AUH: variants seen among roughly 807,000 people sequenced by gnomAD.
The protein encoded by AUH is methylglutaconyl-CoA hydratase, mitochondrial.
A neutral mutation model predicts 42.3 loss-of-function variants in AUH; 29 were observed. The observed-to-expected ratio is 0.69, with a 90% CI of 0.51 to 0.93. AUH has a LOEUF of 0.93. Among genes scored for constraint, AUH ranks in the 40% least tolerant of loss-of-function variants. The pLI is 0.00. For missense variants in AUH, 452 were observed against 438.1 expected (o/e 1.03, Z -0.28); for synonymous variants, 174 against 166.4 (o/e 1.05, Z -0.35).
intron 7 of AUH, among the ~76,000 whole-genome samples, chr9:91,218,382 A>C (rs762010598): frequency 6.6e-6 from 1 of 152,208 alleles, no homozygotes; most frequent in African/African-American, 2.4e-5. Flanking sequence ...TAATCAATCC[A>C]TTTTATTAAA....
chr9:91,361,604 G>T, intron 1 of AUH, 24 bp downstream of exon 1: 1 of 1,567,990 alleles, frequency 6.4e-7, no homozygotes, highest in Non-Finnish European at 8.6e-7. Context: ...GCTGCCCCGC[G>T]CCTGCCCAGC....
intron 7 of AUH, among the ~76,000 whole-genome samples, chr9:91,219,154 C>T (rs1380816139): frequency 6.6e-6 from 1 of 151,990 alleles, no homozygotes; most frequent in Non-Finnish European, 1.5e-5. Flanking sequence ...GGTGTGTGGA[C>T]GGTGGTGGCA....
At chr9:91,356,022 AT>A in intron 2 of AUH, 52 bp from the exon 3 acceptor site, 1 of 1,598,090 alleles carries the variant, frequency 6.3e-7, no homozygotes, top group Non-Finnish European at 8.6e-7. Flanking sequence ...AAAACAAAAC[AT>A]TTTTACATTG....
At chr9:91,232,210 C>T (rs1010999463) in intron 6 of AUH, among the ~76,000 whole-genome samples, 1 of 152,052 alleles carries the variant, frequency 6.6e-6, no homozygotes, top group Non-Finnish European at 1.5e-5. Context: ...CGTAACAAGA[C>T]TCTGTCTCTA....
At chr9:91,258,876 C>G (rs369602463) in intron 6 of AUH, among the ~76,000 whole-genome samples, 1 of 151,980 alleles carries the variant, frequency 6.6e-6, no homozygotes, top group East Asian at 1.9e-4. Flanking sequence ...GAGATAAATC[C>G]TGCTTGGTTA....
chr9:91,268,019 C>A (rs945185739), intron 6 of AUH, among the ~76,000 whole-genome samples: 4 of 152,090 alleles, frequency 2.6e-5, no homozygotes, highest in Non-Finnish European at 5.9e-5. Flanking sequence ...GGTCTTCATA[C>A]ATTAACTCCA....
At chr9:91,245,424 G>A (rs907405577) in intron 6 of AUH, among the ~76,000 whole-genome samples, 1 of 152,168 alleles carries the variant, frequency 6.6e-6, no homozygotes, top group African/African-American at 2.4e-5. Context: ...TCCCACAGAA[G>A]ACAGCCATTT....
At chr9:91,296,410 A>C (rs935599354) in intron 5 of AUH, among the ~76,000 whole-genome samples, 4 of 152,210 alleles carry the variant, frequency 2.6e-5, no homozygotes, top group African/African-American at 4.8e-5. Flanking sequence ...CAGGATCAGC[A>C]GACTTGTCAG....
At chr9:91,238,378 G>GGACAACA in intron 6 of AUH, among the ~76,000 whole-genome samples, 1 of 152,176 alleles carries the variant, frequency 6.6e-6, no homozygotes, top group Admixed American at 6.5e-5. Context: ...ACTAAGTACT[G>GGACAACA]GACAACAGTA....
chr9:91,217,449 T>A, intron 7 of AUH, 122 bp from the exon 8 acceptor site: 1 of 1,027,560 alleles, frequency 9.7e-7, no homozygotes, highest in Non-Finnish European at 1.5e-6. Flanking sequence ...GGCTGTCAGA[T>A]ACTAGATGGA....
chr9:91,343,469 TA>T (rs1350699770), intron 3 of AUH, among the ~76,000 whole-genome samples: 1 of 152,144 alleles, frequency 6.6e-6, no homozygotes, highest in Non-Finnish European at 1.5e-5. Context: ...ATATCAAAAA[TA>T]AATAATCAGA....
chr9:91,253,383 A>T (rs1460219201), intron 6 of AUH, among the ~76,000 whole-genome samples: 1 of 152,218 alleles, frequency 6.6e-6, no homozygotes, highest in Non-Finnish European at 1.5e-5. Flanking sequence ...CTTGTAAATA[A>T]TATTTTTGTT....
At chr9:91,357,926 T>C (rs1251854316) in intron 1 of AUH, among the ~76,000 whole-genome samples, 1 of 152,244 alleles carries the variant, frequency 6.6e-6, no homozygotes, top group Non-Finnish European at 1.5e-5. Context: ...GGAGTTTACG[T>C]AGGTATAAAC....
At chr9:91,295,820 AT>A (rs1239898351) in intron 6 of AUH, among the ~76,000 whole-genome samples, 200 bp downstream of exon 6, 2 of 152,244 alleles carry the variant, frequency 1.3e-5, no homozygotes, top group Non-Finnish European at 2.9e-5. Flanking sequence ...GGCTTGCTCT[AT>A]CGCAGTATTT....
chr9:91,332,095 T>C (rs1389798874), intron 3 of AUH, among the ~76,000 whole-genome samples: 2 of 152,262 alleles, frequency 1.3e-5, no homozygotes, highest in African/African-American at 2.4e-5. Flanking sequence ...GATTTCAATG[T>C]ACTATGAACA....
chr9:91,283,723 G>A (rs1341611787), intron 6 of AUH, among the ~76,000 whole-genome samples: 1 of 152,104 alleles, frequency 6.6e-6, no homozygotes, highest in Non-Finnish European at 1.5e-5. Flanking sequence ...TTCCTTCAAA[G>A]AGAATAAAAT....
At chr9:91,341,626 C>A (rs1485027560) in intron 3 of AUH, among the ~76,000 whole-genome samples, 1 of 152,204 alleles carries the variant, frequency 6.6e-6, no homozygotes, top group Non-Finnish European at 1.5e-5. Context: ...AATGTTACTT[C>A]CTCAACAACC....
At chr9:91,287,927 A>C (rs1826545121) in intron 6 of AUH, among the ~76,000 whole-genome samples, 1 of 152,120 alleles carries the variant, frequency 6.6e-6, no homozygotes, top group African/African-American at 2.4e-5. Context: ...TGTTTCTATG[A>C]GAAAGAAGGA....
intron 6 of AUH, among the ~76,000 whole-genome samples, chr9:91,274,734 T>G (rs1475718892): frequency 6.6e-6 from 1 of 152,134 alleles, no homozygotes; most frequent in Non-Finnish European, 1.5e-5. Flanking sequence ...ATAAGGAAGA[T>G]AAACATCTAC....
Sources: gnomAD v4.1 joint callset for allele counts (sites outside exome capture counted in the v4.1 genomes callset) on GRCh38, gnomAD v4.1.1 for gene constraint, MANE v1.5 for transcripts, NCBI Gene and HGNC (gene_info 2026-07-23, HGNC 2026-07-21) for gene names.